PCNX2: variants seen among roughly 807,000 people sequenced by gnomAD.
PCNX2 encodes the protein pecanex 2, also known as pecanex-like protein 2.
In PCNX2, 168 loss-of-function variants were observed where a neutral mutation model predicts 223.8. The observed-to-expected ratio is 0.75, with a 90% CI of 0.66 to 0.85. The LOEUF (loss-of-function observed/expected upper bound fraction) is 0.85, where lower values mean the gene tolerates loss of function less well. Among genes scored for constraint, PCNX2 ranks in the 40% least tolerant of loss-of-function variants. The pLI is 0.00. For missense variants in PCNX2, 2,507 were observed against 2,675.5 expected, an observed-to-expected ratio of 0.94 and a Z score of 1.39; for synonymous variants, 1,006 against 1,052.6, an observed-to-expected ratio of 0.96 and a Z score of 0.86.
chr1:233,159,219 T>C (rs1367609408), intron 19 of PCNX2, among the ~76,000 whole-genome samples: 1 of 152,156 alleles, frequency 6.6e-6, no homozygotes, highest in Non-Finnish European at 1.5e-5. Flanking sequence ...GTTTTTCTAC[T>C]TGGGCTGTTT....
chr1:233,246,168 GATGGGATAAATGCCC>G (rs1344896261), intron 8 of PCNX2, among the ~76,000 whole-genome samples: 3 of 152,012 alleles, frequency 2.0e-5, no homozygotes, highest in Non-Finnish European at 2.9e-5. Context: ...ATGCCCTTCA[GATGGGATAAATGCCC>G]TTCAGATGGG....
At chr1:233,088,236 A>T (rs1673699385) in intron 23 of PCNX2, among the ~76,000 whole-genome samples, 1 of 152,156 alleles carries the variant, frequency 6.6e-6, no homozygotes, top group Non-Finnish European at 1.5e-5. Context: ...CTCAACTGAG[A>T]GGTGTTTTAC....
At chr1:233,123,340 G>A (rs1452881379) in intron 21 of PCNX2, among the ~76,000 whole-genome samples, 1 of 152,134 alleles carries the variant, frequency 6.6e-6, no homozygotes, top group East Asian at 1.9e-4. Context: ...CCAGCACTTT[G>A]GGAGGCCGAG....
chr1:233,043,260 T>C (rs906661419), intron 25 of PCNX2, among the ~76,000 whole-genome samples: 3 of 152,214 alleles, frequency 2.0e-5, no homozygotes, highest in African/African-American at 7.2e-5. Flanking sequence ...CAACCCTCAC[T>C]TTCCCATCTT....
intron 1 of PCNX2, among the ~76,000 whole-genome samples, chr1:233,268,927 T>A (rs1289264989): frequency 6.6e-6 from 1 of 152,200 alleles, no homozygotes; most frequent in Non-Finnish European, 1.5e-5. Context: ...TGTGTCTGGG[T>A]GGCTCCTATA....
chr1:233,018,873 T>C, intron 26 of PCNX2: 1 of 985,460 alleles, frequency 1.0e-6, no homozygotes. Flanking sequence ...TCTCTGTTTA[T>C]AAAAACATAT....
At chr1:233,308,988 T>C in the PCNX2 span, among the ~76,000 whole-genome samples, 2 of 152,138 alleles carry the variant, frequency 1.3e-5, no homozygotes, top group Non-Finnish European at 2.9e-5. Flanking sequence ...ATTGGTTATT[T>C]ATAGGAGATA....
At chr1:233,318,402 T>C in the PCNX2 span, among the ~76,000 whole-genome samples, 12 of 152,208 alleles carry the variant, frequency 7.9e-5, no homozygotes, top group Admixed American at 2.0e-4. Context: ...CTATTCATAT[T>C]TCCTTTCTCA....
intron 26 of PCNX2, among the ~76,000 whole-genome samples, chr1:233,020,841 G>T (rs1670864619): frequency 6.6e-6 from 1 of 152,170 alleles, no homozygotes; most frequent in South Asian, 2.1e-4. Flanking sequence ...CAGGGTGGGG[G>T]AACTGACCCA....
intron 13 of PCNX2, among the ~76,000 whole-genome samples, chr1:233,204,562 G>C (rs1168116392): frequency 3.3e-5 from 5 of 152,230 alleles, no homozygotes; most frequent in African/African-American, 1.2e-4. Flanking sequence ...TGAGGGAATA[G>C]ACAGTGAATA....
intron 19 of PCNX2, among the ~76,000 whole-genome samples, chr1:233,156,608 C>T (rs1678142879): frequency 6.6e-6 from 1 of 152,052 alleles, no homozygotes; most frequent in African/African-American, 2.4e-5. Context: ...CAAGACTTCT[C>T]TGGAGGGGCC....
chr1:233,024,613 A>G (rs758732893), intron 26 of PCNX2, among the ~76,000 whole-genome samples: 51 of 152,210 alleles, frequency 3.4e-4, no homozygotes, highest in South Asian at 1.2e-3. Flanking sequence ...GTTGAATACA[A>G]TTGGGCAGAT....
At chr1:233,227,188 T>C in intron 10 of PCNX2, 38 bp downstream of exon 10, 1 of 1,564,286 alleles carries the variant, frequency 6.4e-7, no homozygotes, top group Non-Finnish European at 8.7e-7. Context: ...GTCCCCGGTG[T>C]GCCTTCCGAC....
intron 32 of PCNX2, among the ~76,000 whole-genome samples, chr1:232,987,150 C>T (rs368103448): frequency 6.6e-6 from 1 of 152,236 alleles, no homozygotes; most frequent in Admixed American, 6.5e-5. Flanking sequence ...GCTTCCCATG[C>T]TCTTCTCAGC....
chr1:233,175,386 A>G (rs1679422577), intron 17 of PCNX2, among the ~76,000 whole-genome samples: 1 of 152,238 alleles, frequency 6.6e-6, no homozygotes, highest in Admixed American at 6.5e-5. Context: ...CATCACATCT[A>G]ATTATACCAA....
At chr1:233,248,730 A>T (rs1384577027) in intron 8 of PCNX2, among the ~76,000 whole-genome samples, 1 of 152,072 alleles carries the variant, frequency 6.6e-6, no homozygotes, top group South Asian at 2.1e-4. Context: ...TATTCTGTGG[A>T]CTTGAAAAGG....
At chr1:233,317,074 A>C in the PCNX2 span, among the ~76,000 whole-genome samples, 1 of 152,204 alleles carries the variant, frequency 6.6e-6, no homozygotes, top group African/African-American at 2.4e-5. Flanking sequence ...TATTCTTATT[A>C]CTTGGATTTA....
At chr1:233,087,083 G>A (rs958177322) in intron 23 of PCNX2, 1 of 985,286 alleles carries the variant, frequency 1.0e-6, no homozygotes, top group Non-Finnish European at 1.2e-6. Context: ...GGACCGGCCA[G>A]TTCAGGGAGA....
In PCNX2 at chr1:233,218,372, C is replaced by T. The variant is rs375960550; in HGVS notation, c.2505-188G>A. Among the ~76,000 whole-genome samples, 39 of 151,132 alleles carry T rather than the reference C, an allele frequency of 2.6e-4. No homozygotes were observed. In the East Asian group the frequency reaches 3.1e-3, roughly 12 times the overall value. ...CAAGCAATCCTCCTGCCTCAGCCTCCGGAGTAGCTGGGACTACAGGCACCC... is the reference window on the plus strand; with the variant it reads ...CAAGCAATCCTCCTGCCTCAGCCTCTGGAGTAGCTGGGACTACAGGCACCC... On this transcript the variant is annotated intron_variant, in intron 10 of 33. Transcript: ENST00000258229.
Sources: allele counts gnomAD v4.1 joint callset (sites outside exome capture counted in the v4.1 genomes callset), GRCh38; gene constraint gnomAD v4.1.1; transcripts MANE v1.5; gene names NCBI Gene and HGNC (gene_info 2026-07-23, HGNC 2026-07-21).